DIP2C: variants seen among roughly 807,000 people sequenced by gnomAD.
The protein encoded by DIP2C is disco-interacting protein 2 homolog C.
Under a neutral mutation model 192.4 loss-of-function variants are expected in DIP2C, and 33 were observed. That is an observed-to-expected ratio of 0.17 (90% CI 0.13 to 0.23). The LOEUF is 0.23. DIP2C is among the 10% of genes least tolerant of loss of function. The pLI, the probability that DIP2C is intolerant of heterozygous loss-of-function variation, is 1.00. For synonymous variants in DIP2C, 979 were observed against 864.1 expected, an observed-to-expected ratio of 1.13 and a Z score of -2.33; for missense variants, 1,537 against 2,110.1, an observed-to-expected ratio of 0.73 and a Z score of 5.32.
chr10:340,540 C>T (rs1958093308), intron 29 of DIP2C: 1 of 350,574 alleles, frequency 2.9e-6, no homozygotes, highest in South Asian at 2.1e-5. Flanking sequence ...TTATTGGTAA[C>T]ACTCTTTATC....
chr10:409,090 T>C, intron 8 of DIP2C, 73 bp from the exon 9 acceptor site: 1 of 1,513,152 alleles, frequency 6.6e-7, no homozygotes, highest in Non-Finnish European at 9.1e-7. Flanking sequence ...AGTCAAAGTC[T>C]AGGACATGAG....
At chr10:462,740 G>A (rs564036730) in intron 3 of DIP2C, among the ~76,000 whole-genome samples, 15 of 152,234 alleles carry the variant, frequency 9.9e-5, no homozygotes, top group East Asian at 3.9e-4. Flanking sequence ...ATGTCAGGCC[G>A]ATATCCCTGA....
At chr10:647,878 T>C (rs1855559864) in intron 1 of DIP2C, among the ~76,000 whole-genome samples, 2 of 143,740 alleles carry the variant, frequency 1.4e-5, no homozygotes, top group African/African-American at 2.6e-5. Flanking sequence ...GGAAACTGAG[T>C]CCACGTCGAC....
rs541832718 is a variant in DIP2C at position 475,190 on chromosome 10, G to GCGGCC, written c.158-2642_158-2641insGGCCG. Among the ~76,000 whole-genome samples, 350 of 152,242 alleles carry GCGGCC rather than the reference G, an allele frequency of 2.3e-3. 1 individual carries two copies. The highest frequency in any genetic ancestry group is 7.9e-3 in the African/African-American group (328 of 41,548). On this transcript the variant is annotated intron_variant, in intron 2 of 36. Coordinates refer to ENST00000280886, the MANE Select transcript of DIP2C (RefSeq NM_014974.3). Reference sequence around the variant, plus strand: ...GCTGGGAGGAGGAGGAAAAGCGGCCGCCTGCTTCCTGGACACCGTTCTCTG... The same window carrying GCGGCC: ...GCTGGGAGGAGGAGGAAAAGCGGCCGCGGCCCCTGCTTCCTGGACACCGTTCTCTG...
At chr10:416,481 C>G (rs948892422) in intron 6 of DIP2C, among the ~76,000 whole-genome samples, 1 of 152,146 alleles carries the variant, frequency 6.6e-6, no homozygotes, top group Non-Finnish European at 1.5e-5. Flanking sequence ...ACACGCGTTC[C>G]AAACCCACGC....
At chr10:614,434 G>A (rs1039007057) in intron 1 of DIP2C, among the ~76,000 whole-genome samples, 1 of 152,316 alleles carries the variant, frequency 6.6e-6, no homozygotes, top group Admixed American at 6.5e-5. Context: ...GATCCGTCTC[G>A]GCCTGCAGAG....
At chr10:606,243 C>A (rs974811256) in intron 1 of DIP2C, among the ~76,000 whole-genome samples, 3 of 152,222 alleles carry the variant, frequency 2.0e-5, no homozygotes, top group Non-Finnish European at 4.4e-5. Context: ...CCACCCACCC[C>A]CCCAGAGGAC....
At chr10:366,125 A>G (rs1208459002) in intron 19 of DIP2C, 150 bp downstream of exon 19, 1 of 1,136,354 alleles carries the variant, frequency 8.8e-7, no homozygotes, top group Non-Finnish European at 1.2e-6. Flanking sequence ...AAAAGCGATA[A>G]AAAGTGGTAA....
intron 3 of DIP2C, among the ~76,000 whole-genome samples, chr10:458,522 G>C (rs1969489193): frequency 6.6e-6 from 1 of 151,204 alleles, no homozygotes; most frequent in Admixed American, 6.6e-5. Flanking sequence ...CGGCAAGGAT[G>C]CCCTCTACAT....
chr10:670,317 T>A (rs1375337337), intron 1 of DIP2C, among the ~76,000 whole-genome samples: 4 of 152,036 alleles, frequency 2.6e-5, no homozygotes, highest in Non-Finnish European at 5.9e-5. Flanking sequence ...CATACATGCA[T>A]ATACACATGC....
chr10:542,219 G>T (rs1252843637), intron 1 of DIP2C, among the ~76,000 whole-genome samples: 3 of 152,184 alleles, frequency 2.0e-5, no homozygotes, highest in Non-Finnish European at 4.4e-5. Flanking sequence ...GCCTGCCTCT[G>T]CGAGTTACCT....
chr10:629,183 C>T (rs926032507), intron 1 of DIP2C, among the ~76,000 whole-genome samples: 12 of 152,286 alleles, frequency 7.9e-5, no homozygotes, highest in Middle Eastern at 3.4e-3. Context: ...TGGAGACACA[C>T]GGTTGGCCCT....
intron 30 of DIP2C, 86 bp from the exon 31 acceptor site, chr10:327,262 T>C (rs1235285028): frequency 6.0e-5 from 88 of 1,466,038 alleles, no homozygotes; most frequent in Non-Finnish European, 7.9e-5. Flanking sequence ...GATCCCCACG[T>C]AAACATTGGA....
intron 2 of DIP2C, among the ~76,000 whole-genome samples, chr10:475,517 G>A (rs1222799802): frequency 6.6e-6 from 1 of 152,136 alleles, no homozygotes; most frequent in Admixed American, 6.5e-5. Flanking sequence ...ATGGACGATG[G>A]TGCACGGAGT....
At chr10:516,985 C>T (rs908503986) in intron 1 of DIP2C, among the ~76,000 whole-genome samples, 2 of 151,604 alleles carry the variant, frequency 1.3e-5, no homozygotes, top group African/African-American at 2.4e-5. Flanking sequence ...GCAATGGCCA[C>T]AGGAAGTACC....
intron 19 of DIP2C, among the ~76,000 whole-genome samples, chr10:365,889 C>T (rs915723778): frequency 1.3e-5 from 2 of 152,318 alleles, no homozygotes; most frequent in Non-Finnish European, 2.9e-5. Context: ...CTTCCCCAGG[C>T]GAGGGTTCGT....
chr10:357,300 GC>G (rs1298724513), intron 23 of DIP2C, among the ~76,000 whole-genome samples: 2 of 152,182 alleles, frequency 1.3e-5, no homozygotes, highest in Admixed American at 6.5e-5. Context: ...AGGAGGCCTG[GC>G]CCCCTAACCT....
intron 5 of DIP2C, among the ~76,000 whole-genome samples, chr10:422,590 C>G (rs531162928): frequency 7.9e-5 from 12 of 152,286 alleles, no homozygotes; most frequent in Middle Eastern, 3.4e-3. Flanking sequence ...GGAGCGGATA[C>G]GGCTGCAGGA....
intron 1 of DIP2C, among the ~76,000 whole-genome samples, chr10:538,991 C>T (rs1364148543): frequency 6.7e-6 from 1 of 149,436 alleles, no homozygotes; most frequent in Non-Finnish European, 1.5e-5. Flanking sequence ...TGTATGACCT[C>T]AGTTGCGAGT....
Sources: allele counts gnomAD v4.1 joint callset (sites outside exome capture counted in the v4.1 genomes callset), GRCh38; gene constraint gnomAD v4.1.1; transcripts MANE v1.5; gene names NCBI Gene and HGNC (gene_info 2026-07-23, HGNC 2026-07-21).